The following MAGI2 variants were observed in gnomAD, a reference collection of about 807,000 sequenced individuals.
MAGI2 encodes membrane-associated guanylate kinase, WW and PDZ domain-containing protein 2.
MAGI2 carries 35 observed loss-of-function variants against 133.3 expected under a neutral mutation model. That is an observed-to-expected ratio of 0.26 (90% CI 0.20 to 0.35). MAGI2 has a LOEUF of 0.35. MAGI2 is among the 10% of genes least tolerant of loss of function. The pLI, the probability that MAGI2 is intolerant of heterozygous loss-of-function variation, is 1.00. For missense variants in MAGI2, 1,636 were observed against 1,863.4 expected, an observed-to-expected ratio of 0.88 and a Z score of 2.25; for synonymous variants, 729 against 710.6, an observed-to-expected ratio of 1.03 and a Z score of -0.41.
intron 6 of MAGI2, among the ~76,000 whole-genome samples, chr7:78,377,659 A>T (rs929975688): frequency 7.8e-4 from 118 of 151,514 alleles, no homozygotes; most frequent in African/African-American, 2.0e-3. Flanking sequence ...ATAATAATAA[A>T]AAATAAAAAA....
intron 6 of MAGI2, among the ~76,000 whole-genome samples, chr7:78,434,947 C>T (rs759674584): frequency 4.6e-5 from 7 of 152,112 alleles, no homozygotes; most frequent in African/African-American, 7.2e-5. Context: ...CCTTAGGGCC[C>T]GCTGCCTCCT....
intron 1 of MAGI2, among the ~76,000 whole-genome samples, chr7:79,289,364 G>A (rs986854013): frequency 2.0e-5 from 3 of 152,106 alleles, no homozygotes; most frequent in African/African-American, 7.2e-5. Flanking sequence ...ACAGAAGTAT[G>A]ACATTTTCTA....
intron 1 of MAGI2, among the ~76,000 whole-genome samples, chr7:79,311,013 T>C (rs1838242056): frequency 6.6e-6 from 1 of 152,100 alleles, no homozygotes; most frequent in Non-Finnish European, 1.5e-5. Context: ...GTTTTATTTA[T>C]CTCTTTACAA....
intron 7 of MAGI2, chr7:78,351,932 C>G (rs1388663758): frequency 6.6e-6 from 1 of 152,152 alleles, no homozygotes; most frequent in Non-Finnish European, 1.5e-5. Flanking sequence ...TCATGATGCT[C>G]ACATCCAAGC....
chr7:78,171,170 T>A (rs1826076283), intron 14 of MAGI2, among the ~76,000 whole-genome samples: 1 of 152,252 alleles, frequency 6.6e-6, no homozygotes, highest in Admixed American at 6.5e-5. Flanking sequence ...CTTTTTTCAT[T>A]TACTTCCAAT....
intron 12 of MAGI2, 101 bp from the exon 13 acceptor site, chr7:78,185,771 A>G: frequency 1.2e-6 from 1 of 811,376 alleles, no homozygotes; most frequent in Non-Finnish European, 1.9e-6. Context: ...CCCAACCACA[A>G]TCTCATACTT....
At chr7:78,625,550 A>G (rs1000570006) in intron 3 of MAGI2, among the ~76,000 whole-genome samples, 7 of 152,154 alleles carry the variant, frequency 4.6e-5, no homozygotes, top group African/African-American at 1.7e-4. Context: ...TTTTAAGTAC[A>G]TTTAATATAG....
intron 13 of MAGI2, among the ~76,000 whole-genome samples, chr7:78,181,878 T>C (rs1467744678): frequency 3.9e-5 from 6 of 152,228 alleles, no homozygotes; most frequent in Non-Finnish European, 8.8e-5. Context: ...TGCTGTATGT[T>C]TCCTTAGTCT....
At chr7:79,127,055 G>C (rs1201631615) in intron 1 of MAGI2, among the ~76,000 whole-genome samples, 3 of 151,612 alleles carry the variant, frequency 2.0e-5, no homozygotes, top group African/African-American at 4.9e-5. Flanking sequence ...ATGGTGTTTG[G>C]TTTTTTGTCC....
At chr7:78,153,345 C>T (rs888448023) in intron 16 of MAGI2, among the ~76,000 whole-genome samples, 1 of 152,184 alleles carries the variant, frequency 6.6e-6, no homozygotes, top group African/African-American at 2.4e-5. Flanking sequence ...TACATGTGTG[C>T]CAAGACAGTT....
intron 1 of MAGI2, among the ~76,000 whole-genome samples, chr7:79,102,035 G>A (rs556906205): frequency 1.3e-5 from 2 of 151,948 alleles, no homozygotes; most frequent in African/African-American, 2.4e-5. Flanking sequence ...TTAAACACAG[G>A]TATATGACAT....
chr7:78,881,433 T>TG (rs1795828476), intron 2 of MAGI2, among the ~76,000 whole-genome samples: 1 of 33,906 alleles, frequency 2.9e-5, no homozygotes, highest in African/African-American at 1.2e-4. Context: ...TGTCGTGGGA[T>TG]GGGGGGAGGG....
At chr7:78,420,737 T>G (rs770311581) in intron 6 of MAGI2, among the ~76,000 whole-genome samples, 5 of 152,158 alleles carry the variant, frequency 3.3e-5, no homozygotes, top group Non-Finnish European at 5.9e-5. Flanking sequence ...AAATTTTACC[T>G]AGCAGTACTG....
At position 78,764,900 on chromosome 7, in the gene MAGI2, C is replaced by T. The variant is rs529007082; in HGVS notation, c.419-137661G>A. Reference sequence around the variant, plus strand: ...ACACCTTAGATGGGTTTTCAGGCCTCACAACTTATTACCAGCTTAGTTAGC... The same window carrying T: ...ACACCTTAGATGGGTTTTCAGGCCTTACAACTTATTACCAGCTTAGTTAGC... On this transcript the variant is annotated intron_variant, in intron 2 of 21. Coordinates refer to ENST00000354212, the MANE Select transcript of MAGI2 (RefSeq NM_012301.4). 3.2e-4 allele frequency among the ~76,000 whole-genome samples: 40 copies of T among 124,454 alleles called. 1 individual carries two copies. Among genetic ancestry groups the T allele is most frequent in the Non-Finnish European group, 6.3e-4 (33 of 52,112 alleles). 81.6% of individuals were successfully genotyped at this position (124,454 alleles called of 152,430 possible). A position where few individuals can be genotyped will look rare whatever the true frequency, so the allele number is the denominator to read the frequency against.
chr7:78,585,166 C>T (rs1803269526), intron 3 of MAGI2, among the ~76,000 whole-genome samples: 1 of 152,122 alleles, frequency 6.6e-6, no homozygotes, highest in Admixed American at 6.5e-5. Context: ...TATAGTTTGG[C>T]CTGCCATTCA....
At chr7:78,647,024 G>A (rs967874964) in intron 2 of MAGI2, among the ~76,000 whole-genome samples, 4 of 152,064 alleles carry the variant, frequency 2.6e-5, no homozygotes, top group African/African-American at 4.8e-5. Context: ...ATATCAACAC[G>A]TAAAATGCAT....
chr7:79,436,060 T>C (rs1848120968), intron 1 of MAGI2, among the ~76,000 whole-genome samples: 1 of 152,032 alleles, frequency 6.6e-6, no homozygotes, highest in Non-Finnish European at 1.5e-5. Context: ...ATATTGGCTA[T>C]CCATACGTGA....
At chr7:78,411,534 ACT>A (rs1331565930) in intron 6 of MAGI2, among the ~76,000 whole-genome samples, 1 of 151,988 alleles carries the variant, frequency 6.6e-6, no homozygotes, top group African/African-American at 2.4e-5. Context: ...ACTAGAATTC[ACT>A]CTGTCATAAG....
At chr7:79,133,817 G>A (rs557902267) in intron 1 of MAGI2, among the ~76,000 whole-genome samples, 6 of 152,148 alleles carry the variant, frequency 3.9e-5, no homozygotes, top group Non-Finnish European at 1.5e-5. Context: ...CTCAAAGTGA[G>A]CATCAAACTA....
Sources: gnomAD v4.1 joint callset for allele counts (sites outside exome capture counted in the v4.1 genomes callset) on GRCh38, gnomAD v4.1.1 for gene constraint, MANE v1.5 for transcripts, NCBI Gene and HGNC (gene_info 2026-07-23, HGNC 2026-07-21) for gene names.